TNPO1: variants seen among roughly 807,000 people sequenced by gnomAD.
TNPO1 encodes transportin 1.
TNPO1 carries 8 observed loss-of-function variants against 119.5 expected under a neutral mutation model. That is an observed-to-expected ratio of 0.07 (90% CI 0.04 to 0.12). The LOEUF (loss-of-function observed/expected upper bound fraction) is 0.12, where lower values mean the gene tolerates loss of function less well. Among genes scored for constraint, TNPO1 ranks in the 10% least tolerant of loss-of-function variants. The probability of loss-of-function intolerance (pLI) is 1.00; values close to 1 mark genes in which losing one functional copy is unlikely to be tolerated. For synonymous variants in TNPO1, 362 were observed against 363.0 expected, an observed-to-expected ratio of 1.00 and a Z score of 0.03; for missense variants, 576 against 1,089.8, an observed-to-expected ratio of 0.53 and a Z score of 6.64.
At position 72,872,682 on chromosome 5, in the gene TNPO1, A is replaced by T; in HGVS notation, c.640A>T (p.Thr214Ser). Reference sequence around the variant, plus strand: ...TGTCAATCAGTTTATCATCAGTAGGACTCAAGCTCTAATGTTGCACATTGA... The same window carrying T: ...TGTCAATCAGTTTATCATCAGTAGGTCTCAAGCTCTAATGTTGCACATTGA... ...ACVNQFIISR[T>S]QALMLHIDSF... The change falls in exon 7 of 25, where the codon ACT becomes TCT. Residue 214 changes from threonine (T) to serine (S), a missense_variant. Around this residue, in one of 6 missense-constraint regions of TNPO1, gnomAD observed 310 missense variants for 583.0 expected, o/e 0.53. Coordinates refer to ENST00000337273, the MANE Select transcript of TNPO1 (RefSeq NM_002270.4). 1 of 1,609,982 alleles carries T rather than the reference A, an allele frequency of 6.2e-7. No homozygotes were observed. Among genetic ancestry groups the T allele is most frequent in the Non-Finnish European group, 8.5e-7 (1 of 1,178,310 alleles).
intron 4 of TNPO1, 96 bp downstream of exon 4, chr5:72,856,019 T>C (rs1745972297): frequency 3.9e-6 from 5 of 1,287,388 alleles, no homozygotes; most frequent in Non-Finnish European, 5.5e-6. Context: ...GTCTGTTTCA[T>C]GTTAAATTGT....
intron 1 of TNPO1, among the ~76,000 whole-genome samples, chr5:72,823,844 T>C (rs1038882245): frequency 2.6e-5 from 4 of 152,174 alleles, no homozygotes; most frequent in Non-Finnish European, 5.9e-5. Context: ...TCTGTAATGC[T>C]GCCTGATGGT....
intron 1 of TNPO1, among the ~76,000 whole-genome samples, chr5:72,838,977 A>G (rs1449459521): frequency 2.6e-5 from 4 of 152,182 alleles, no homozygotes; most frequent in African/African-American, 9.6e-5. Context: ...ACTTAAAACC[A>G]CTTGGCAGTG....
chr5:72,858,952 G>A (rs2112298824), intron 4 of TNPO1, among the ~76,000 whole-genome samples: 1 of 146,664 alleles, frequency 6.8e-6, no homozygotes. Flanking sequence ...AATCTGGGAA[G>A]GTTTTTTTTT....
At chr5:72,836,002 T>C (rs1266276459) in intron 1 of TNPO1, among the ~76,000 whole-genome samples, 1 of 152,252 alleles carries the variant, frequency 6.6e-6, no homozygotes, top group African/African-American at 2.4e-5. Flanking sequence ...GGGTAGGGGT[T>C]GGGCCCCCAA....
chr5:72,844,122 G>A (rs2112226296), intron 1 of TNPO1, among the ~76,000 whole-genome samples: 1 of 152,290 alleles, frequency 6.6e-6, no homozygotes, highest in South Asian at 2.1e-4. Context: ...CACTGTCCCT[G>A]CTCTCAAGGA....
At position 72,909,800 on chromosome 5, in the gene TNPO1, G is replaced by A. The variant is rs535295589; in HGVS notation, c.*1127G>A. ...AAATATCTTTTTTAGGATCTGTTAG[G>A]AATAAGATTGATATTGTATTGTGTG... On this transcript the variant is annotated 3_prime_UTR_variant, in exon 25 of 25. Transcript: ENST00000337273. 1.3e-5 allele frequency: 2 copies of A among 152,526 alleles called. No individual in the cohort carries two copies. The highest frequency in any genetic ancestry group is 2.9e-5 in the Non-Finnish European group (2 of 68,016). The allele number at this position is 152,526 out of a possible 1,614,324, so 9.4% of individuals were successfully genotyped here. A position where few individuals can be genotyped will look rare whatever the true frequency, so the allele number is the denominator to read the frequency against.
At chr5:72,875,489 G>A (rs1747693067) in intron 7 of TNPO1, 126 bp from the exon 8 acceptor site, 2 of 837,098 alleles carry the variant, frequency 2.4e-6, no homozygotes, top group Non-Finnish European at 3.5e-6. Context: ...ATCTAATATT[G>A]TAGGCCAATT....
At chr5:72,896,829 A>G (rs765166672) in intron 19 of TNPO1, among the ~76,000 whole-genome samples, 23 of 152,228 alleles carry the variant, frequency 1.5e-4, no homozygotes, top group Non-Finnish European at 3.4e-4. Flanking sequence ...AGATTGCACC[A>G]CTGCACTCCA....
At chr5:72,843,160 A>C (rs1187944420) in intron 1 of TNPO1, among the ~76,000 whole-genome samples, 1 of 152,216 alleles carries the variant, frequency 6.6e-6, no homozygotes, top group Non-Finnish European at 1.5e-5. Flanking sequence ...CTAGCTTTGT[A>C]TGACTTGTAA....
At chr5:72,847,122 T>G (rs1231721671) in intron 1 of TNPO1, among the ~76,000 whole-genome samples, 1 of 152,018 alleles carries the variant, frequency 6.6e-6, no homozygotes, top group African/African-American at 2.4e-5. Flanking sequence ...AAAGTCAGAT[T>G]ACAGGCTATT....
rs775330956 is a variant in TNPO1 at position 72,855,991 on chromosome 5, A to T, written c.355+68A>T. 127 of 1,498,478 alleles carry T rather than the reference A, an allele frequency of 8.5e-5. 1 individual carries two copies. The highest frequency in any genetic ancestry group is 8.2e-4 in the African/African-American group (59 of 71,798). 92.8% of individuals were successfully genotyped at this position (1,498,478 alleles called of 1,614,324 possible). A position where few individuals can be genotyped will look rare whatever the true frequency, so the allele number is the denominator to read the frequency against. On this transcript the variant is annotated intron_variant, in intron 4 of 24. Transcript: ENST00000337273. The stretch of plus-strand genomic sequence containing the variant: ...GGGTCATTTTTAGAGATGACAGATT[A>T]TTTCCTTAGGAATTTTTGTCTGTTT...
chr5:72,862,445 C>T (rs1209382719), intron 5 of TNPO1: 1 of 154,420 alleles, frequency 6.5e-6, no homozygotes, highest in South Asian at 2.0e-4. Context: ...ACGTCAGCCT[C>T]CCAAAGTAGT....
intron 5 of TNPO1, among the ~76,000 whole-genome samples, chr5:72,863,492 G>T (rs183836455): frequency 6.6e-6 from 1 of 152,270 alleles, no homozygotes; most frequent in Non-Finnish European, 1.5e-5. Context: ...GGCTGTGGTG[G>T]CTCACACCTG....
At chr5:72,854,760 T>G (rs1238609840) in intron 3 of TNPO1, among the ~76,000 whole-genome samples, 2 of 152,240 alleles carry the variant, frequency 1.3e-5, no homozygotes, top group South Asian at 2.1e-4. Flanking sequence ...CTACTAGTAT[T>G]AAGTAGCTTT....
rs753376038 is a variant in TNPO1 at position 72,865,665 on chromosome 5, C to A, written c.532C>A (p.Arg178Ser). Residue 178 changes from arginine (R) to serine (S), a missense_variant, in exon 6 of 25, where the codon CGT (arginine) becomes AGT (serine). By Grantham distance (110) the Arg-to-Ser change is moderately radical (BLOSUM62 -1). Transcript: ENST00000337273. The part of the protein sequence containing the change: ...AEILDSDVLD[R>S]PLNIMIPKFL... ...GATTTTAGACAGTGATGTTTTAGAT[C>A]GTCCTCTCAACATCATGATTCCCAA... 1 of 1,613,254 alleles carries A rather than the reference C, an allele frequency of 6.2e-7. No individual in the cohort carries two copies. Among genetic ancestry groups the A allele is most frequent in the Non-Finnish European group, 8.5e-7 (1 of 1,179,482 alleles).
intron 7 of TNPO1, 69 bp downstream of exon 7, chr5:72,872,789 A>T: frequency 1.2e-6 from 1 of 859,072 alleles, no homozygotes. Flanking sequence ...GGTGATGCTA[A>T]CTGCATGTAG....
In TNPO1 at chr5:72,908,863, A is replaced by T; in HGVS notation, c.*190A>T. On this transcript the variant is annotated 3_prime_UTR_variant, in exon 25 of 25. Transcript: ENST00000337273. ...GTGTTGCCGTCACTGTATTAAGTCG[A>T]TGTTGGGAAACGTTTTAACATCTGG... 1 of 454,080 alleles carries T rather than the reference A, an allele frequency of 2.2e-6. No homozygotes were observed. The highest frequency in any genetic ancestry group is 4.4e-6 in the Non-Finnish European group (1 of 225,734). The allele number at this position is 454,080 out of a possible 1,614,324, so 28.1% of individuals were successfully genotyped here.
intron 15 of TNPO1, among the ~76,000 whole-genome samples, chr5:72,892,256 A>G (rs1749118115): frequency 6.6e-6 from 1 of 152,096 alleles, no homozygotes; most frequent in Non-Finnish European, 1.5e-5. Flanking sequence ...TTCAAATTTG[A>G]AAATGTTTCC....
Sources: allele counts gnomAD v4.1 joint callset (sites outside exome capture counted in the v4.1 genomes callset), GRCh38; gene constraint gnomAD v4.1.1; regional missense constraint gnomAD v4.1.1; transcripts MANE v1.5; gene names NCBI Gene and HGNC (gene_info 2026-07-23, HGNC 2026-07-21).